Variants in KCNH8 observed in about 807,000 individuals in gnomAD.
KCNH8 encodes potassium voltage-gated channel subfamily H member 8.
In KCNH8, 70 loss-of-function variants were observed where a neutral mutation model predicts 103.6. The ratio of observed to expected loss-of-function variants is 0.68; its 90% CI spans 0.56 to 0.82. The LOEUF (loss-of-function observed/expected upper bound fraction) is 0.82, where lower values mean the gene tolerates loss of function less well. Among genes scored for constraint, KCNH8 ranks in the 40% least tolerant of loss-of-function variants. The probability of loss-of-function intolerance (pLI) is 0.00; values close to 1 mark genes in which losing one functional copy is unlikely to be tolerated. For missense variants in KCNH8, 1,217 were observed against 1,329.9 expected (o/e 0.92, Z 1.32); for synonymous variants, 498 against 489.4 (o/e 1.02, Z -0.23).
rs368606808 is a variant in KCNH8 at position 19,207,052 on chromosome 3, G to A, written c.77-46602G>A. Among the ~76,000 whole-genome samples the A allele has an allele frequency of 4.5e-4, 69 of 152,030 alleles. 3 individuals carry two copies. The South Asian group carries it at 0.014, about 31-fold the overall frequency. On this transcript the variant is annotated intron_variant, in intron 1 of 15. Coordinates refer to ENST00000328405, the MANE Select transcript of KCNH8 (RefSeq NM_144633.3). ...TGCATACCTGAAACTCCATGAAGAA[G>A]TTTGGTCTTGAAAAAAAGATTTGGG...
chr3:19,380,717 G>C (rs1025571444), intron 5 of KCNH8, among the ~76,000 whole-genome samples: 1 of 152,240 alleles, frequency 6.6e-6, no homozygotes, highest in Non-Finnish European at 1.5e-5. Context: ...CATAGCTAGA[G>C]TGAAGAGCAC....
chr3:19,484,011 T>C (rs2068146179), intron 11 of KCNH8, among the ~76,000 whole-genome samples: 1 of 152,218 alleles, frequency 6.6e-6, no homozygotes, highest in Admixed American at 6.5e-5. Context: ...ATAGTCTTTT[T>C]TTTAATTAAG....
chr3:19,330,378 A>G lies in KCNH8; in HGVS notation c.443-12209A>G, dbSNP rs944307222. On this transcript the variant is annotated intron_variant, in intron 3 of 15. Transcript: ENST00000328405. Reference sequence around the variant, plus strand: ...CTCAATTACGTCTATTTTTCCAACCATATATGATCTAGACGAAGTCAGAAA... The same window carrying G: ...CTCAATTACGTCTATTTTTCCAACCGTATATGATCTAGACGAAGTCAGAAA... 8.5e-5 allele frequency among the ~76,000 whole-genome samples: 13 copies of G among 152,166 alleles called. 1 individual carries two copies. The highest frequency in any genetic ancestry group is 3.1e-4 in the African/African-American group (13 of 41,438).
intron 11 of KCNH8, among the ~76,000 whole-genome samples, chr3:19,490,146 C>A (rs978022912): frequency 6.6e-5 from 10 of 152,236 alleles, no homozygotes; most frequent in Non-Finnish European, 1.2e-4. Context: ...CGCAGGGATG[C>A]TCCACAGGGC....
chr3:19,400,828 G>A (rs577385140), intron 7 of KCNH8, among the ~76,000 whole-genome samples: 2 of 151,896 alleles, frequency 1.3e-5, no homozygotes, highest in African/African-American at 4.8e-5. Flanking sequence ...AAAATGACCA[G>A]GCTTATGATG....
intron 11 of KCNH8, among the ~76,000 whole-genome samples, chr3:19,478,653 T>C (rs1459746291): frequency 2.6e-5 from 4 of 152,206 alleles, no homozygotes; most frequent in Non-Finnish European, 4.4e-5. Flanking sequence ...CATTCAGTTT[T>C]CACATATATA....
At chr3:19,348,164 A>G (rs1361831862) in intron 5 of KCNH8, among the ~76,000 whole-genome samples, 199 bp downstream of exon 5, 3 of 152,030 alleles carry the variant, frequency 2.0e-5, no homozygotes, top group Non-Finnish European at 2.9e-5. Context: ...CTTTATTCAA[A>G]CAGATCTAAA....
At chr3:19,461,178 G>A (rs2067620949) in intron 11 of KCNH8, among the ~76,000 whole-genome samples, 1 of 152,148 alleles carries the variant, frequency 6.6e-6, no homozygotes, top group South Asian at 2.1e-4. Flanking sequence ...TCTTTTCAAA[G>A]AGGACTCCTT....
At chr3:19,428,268 G>A (rs1360775538) in intron 7 of KCNH8, among the ~76,000 whole-genome samples, 2 of 152,016 alleles carry the variant, frequency 1.3e-5, no homozygotes, top group Admixed American at 1.3e-4. Context: ...TTTATCATAG[G>A]GAATCAAGTA....
rs1348585656 is a variant in KCNH8 at position 19,533,933 on chromosome 3, G to A, written c.3158G>A (p.Gly1053Asp). ...HLVLPSRSEE[G>D]SFSQGTVSSF... ...GTTCTCCCAAGCAGATCAGAGGAGGGCAGCTTCAGTCAGGGAACTGTGAGT... is the reference window on the plus strand; with the variant it reads ...GTTCTCCCAAGCAGATCAGAGGAGGACAGCTTCAGTCAGGGAACTGTGAGT... Residue 1053 changes from glycine to aspartate, a missense_variant, in exon 16 of 16, where the codon GGC becomes GAC. Transcript: ENST00000328405. 3 of 1,614,024 alleles carry A rather than the reference G, an allele frequency of 1.9e-6. No homozygotes were observed. The highest frequency in any genetic ancestry group is 2.7e-5 in the African/African-American group (2 of 74,918).
chr3:19,482,965 T>C (rs1425820144), intron 11 of KCNH8, among the ~76,000 whole-genome samples: 5 of 152,314 alleles, frequency 3.3e-5, no homozygotes, highest in South Asian at 2.1e-4. Flanking sequence ...AATGGGAGTC[T>C]GGTATCCCCA....
At chr3:19,441,877 A>C (rs907986684) in intron 8 of KCNH8, among the ~76,000 whole-genome samples, 1 of 152,222 alleles carries the variant, frequency 6.6e-6, no homozygotes, top group Admixed American at 6.5e-5. Context: ...CGCAGCATAC[A>C]GTGAAATCAA....
intron 1 of KCNH8, 43 bp downstream of exon 1, chr3:19,148,838 C>A: frequency 3.3e-6 from 5 of 1,538,124 alleles, no homozygotes; most frequent in South Asian, 1.1e-5. Flanking sequence ...TTTTCTGAGA[C>A]TGATTTTTCT....
At chr3:19,450,745 C>T (rs1444681301) in intron 9 of KCNH8, 9 of 262,998 alleles carry the variant, frequency 3.4e-5, no homozygotes, top group East Asian at 3.2e-4. Flanking sequence ...TATAAATCAA[C>T]GAACCATTTC....
chr3:19,473,601 T>C (rs2067908266), intron 11 of KCNH8, among the ~76,000 whole-genome samples: 1 of 152,192 alleles, frequency 6.6e-6, no homozygotes, highest in Admixed American at 6.5e-5. Flanking sequence ...TCCACTATCA[T>C]TTCAAATGTA....
At chr3:19,206,095 G>C (rs1263971423) in intron 1 of KCNH8, among the ~76,000 whole-genome samples, 8 of 150,244 alleles carry the variant, frequency 5.3e-5, no homozygotes, top group Non-Finnish European at 8.8e-5. Flanking sequence ...ACTTCACTTA[G>C]AGTAACAGTC....
intron 1 of KCNH8, among the ~76,000 whole-genome samples, chr3:19,240,367 C>T (rs1330457590): frequency 1.3e-5 from 2 of 152,086 alleles, no homozygotes; most frequent in African/African-American, 4.8e-5. Flanking sequence ...AATCCCATCA[C>T]TTTGGGAGGC....
chr3:19,350,992 G>A (rs2065793752), intron 5 of KCNH8, among the ~76,000 whole-genome samples: 1 of 151,980 alleles, frequency 6.6e-6, no homozygotes. Flanking sequence ...CTTGAAAAAA[G>A]ATTAGATGAA....
rs920764451 is a variant in KCNH8 at position 19,216,428 on chromosome 3, A to G, written c.77-37226A>G. On this transcript the variant is annotated intron_variant, in intron 1 of 15. Transcript: ENST00000328405. ...TTATTTGAAATGGCAGATATTCTCAATAGAAATTCTCAGTTATTATCAATA... is the reference window on the plus strand; with the variant it reads ...TTATTTGAAATGGCAGATATTCTCAGTAGAAATTCTCAGTTATTATCAATA... 3.3e-5 allele frequency among the ~76,000 whole-genome samples: 5 copies of G among 152,358 alleles called. No individual in the cohort carries two copies. The East Asian group carries it at 5.8e-4, about 18-fold the overall frequency.
Sources: allele counts gnomAD v4.1 joint callset (sites outside exome capture counted in the v4.1 genomes callset), GRCh38; gene constraint gnomAD v4.1.1; transcripts MANE v1.5; gene names NCBI Gene and HGNC (gene_info 2026-07-23, HGNC 2026-07-21).